Variants in ABR observed in about 807,000 individuals in gnomAD.
ABR encodes the protein ABR activator of RhoGEF and GTPase, also known as active breakpoint cluster region-related protein.
ABR carries 35 observed loss-of-function variants against 107.2 expected under a neutral mutation model. That is an observed-to-expected ratio of 0.33 (90% CI 0.25 to 0.43). ABR has a LOEUF of 0.43. Ranked by LOEUF, ABR falls within the 20% of genes least tolerant of loss-of-function variation. The pLI, the probability that ABR is intolerant of heterozygous loss-of-function variation, is 1.00. For synonymous variants in ABR, 498 were observed against 462.0 expected (o/e 1.08, Z -1.00); for missense variants, 815 against 1,115.2 (o/e 0.73, Z 3.83).
At chr17:1,009,858 G>C (rs1329607180) in intron 20 of ABR, 74 bp from the exon 21 acceptor site, 3 of 1,345,008 alleles carry the variant, frequency 2.2e-6, no homozygotes, top group African/African-American at 2.9e-5. Context: ...TCGTGAGGCT[G>C]TGGGCCCCTG....
chr17:1,075,298 A>G lies in ABR; in HGVS notation c.701-1621T>C, dbSNP rs2035609316. On this transcript the variant is annotated intron_variant, in intron 6 of 22. Coordinates refer to ENST00000302538, the MANE Select transcript of ABR (RefSeq NM_021962.5). Reference sequence around the variant, plus strand: ...ACCTTGGGCCTCCTGCCGCAGGGGCAGTGACAGAGGCAGGTTGGTCATCTG... The same window carrying G: ...ACCTTGGGCCTCCTGCCGCAGGGGCGGTGACAGAGGCAGGTTGGTCATCTG... Among the ~76,000 whole-genome samples the G allele has an allele frequency of 1.3e-5, 2 of 152,260 alleles. 1 individual carries two copies. The highest frequency in any genetic ancestry group is 1.3e-4 in the Admixed American group (2 of 15,290).
rs1434777202 is a variant in ABR at position 1,005,439 on chromosome 17, G to A, written c.*641C>T. On this transcript the variant is annotated 3_prime_UTR_variant, in exon 23 of 23. Coordinates refer to ENST00000302538, the MANE Select transcript of ABR (RefSeq NM_021962.5). ...ACAGGCAGCAAGGCAAAGCAGGTGTGCTCCCAAAGGCGGAGTCTGAGGAGG... is the reference window on the plus strand; with the variant it reads ...ACAGGCAGCAAGGCAAAGCAGGTGTACTCCCAAAGGCGGAGTCTGAGGAGG... 6 of 320,688 alleles carry A rather than the reference G, an allele frequency of 1.9e-5. No homozygotes were observed. The highest frequency in any genetic ancestry group is 3.4e-5 in the Non-Finnish European group (6 of 177,046). 19.9% of individuals were successfully genotyped at this position (320,688 alleles called of 1,614,324 possible).
At chr17:1,199,507 G>A (rs1448294673) in intron 1 of ABR, among the ~76,000 whole-genome samples, 1 of 151,406 alleles carries the variant, frequency 6.6e-6, no homozygotes, top group African/African-American at 2.5e-5. Context: ...GGGGTGGAAG[G>A]GAGAGACGGA....
At chr17:1,030,032 G>A (rs943782341) in intron 16 of ABR, among the ~76,000 whole-genome samples, 5 of 152,238 alleles carry the variant, frequency 3.3e-5, no homozygotes, top group Non-Finnish European at 7.3e-5. Flanking sequence ...GCCACCCTGA[G>A]CTGCACTGAC....
At chr17:1,218,918 G>A (rs1225349537) in intron 1 of ABR, among the ~76,000 whole-genome samples, 1 of 152,162 alleles carries the variant, frequency 6.6e-6, no homozygotes, top group Non-Finnish European at 1.5e-5. Context: ...TCAGAGAGCT[G>A]AGCAATCAGA....
Position 1,199,837 on chromosome 17 carries a change from T to C in ABR, c.838+28956A>G, listed in dbSNP as rs551691231. On this transcript the variant is annotated intron_variant, in intron 1 of 22. Coordinates refer to the ABR transcript ENST00000574139. ...CAGAATTTTAAAAACTTTTAGACAA[T>C]AAAAGAGTAAAATGTGACCCATAAA... Among the ~76,000 whole-genome samples the C allele has an allele frequency of 3.3e-5, 5 of 152,110 alleles. No homozygotes were observed. The East Asian group carries it at 9.7e-4, about 29-fold the overall frequency.
intron 1 of ABR, among the ~76,000 whole-genome samples, chr17:1,185,580 G>A (rs979645348): frequency 2.0e-5 from 3 of 150,096 alleles, no homozygotes; most frequent in African/African-American, 7.4e-5. Flanking sequence ...GGGAGGTGGA[G>A]GTTGCAGTGA....
intron 2 of ABR, among the ~76,000 whole-genome samples, chr17:1,115,695 C>A (rs555589115): frequency 6.6e-6 from 1 of 152,174 alleles, no homozygotes; most frequent in Non-Finnish European, 1.5e-5. Context: ...GAGGCCGAGG[C>A]GGGCAGATCA....
Position 1,070,639 on chromosome 17 carries a change from G to T in ABR, c.895-549C>A, listed in dbSNP as rs1038397364. Among the ~76,000 whole-genome samples, 1 of 152,002 alleles carries T rather than the reference G, an allele frequency of 6.6e-6. No homozygotes were observed. Among genetic ancestry groups the T allele is most frequent in the African/African-American group, 2.4e-5 (1 of 41,380 alleles). ...TCCCTGGCTTCTCCAGCCCCCTGGG[G>T]ATGAGACCTGGGCCCTCCAGCCTGG... On this transcript the variant is annotated intron_variant, in intron 8 of 22. Transcript: ENST00000302538. This position sits in a 1 kb window ranked among gnomAD's most constrained non-coding sequence, Gnocchi z 4.2.
chr17:1,161,480 G>A (rs145456516), intron 1 of ABR, among the ~76,000 whole-genome samples: 9 of 151,508 alleles, frequency 5.9e-5, no homozygotes, highest in Non-Finnish European at 1.2e-4. Flanking sequence ...TCTTAGTCTC[G>A]AGCAATCCTC....
chr17:1,134,985 A>G (rs1236766889), intron 1 of ABR, among the ~76,000 whole-genome samples: 2 of 152,256 alleles, frequency 1.3e-5, no homozygotes, highest in Non-Finnish European at 1.5e-5. Flanking sequence ...CACTTAGCAC[A>G]TAGGAAGCAC....
At chr17:1,105,699 C>A (rs768069420) in intron 2 of ABR, among the ~76,000 whole-genome samples, 2 of 152,212 alleles carry the variant, frequency 1.3e-5, no homozygotes, top group Non-Finnish European at 2.9e-5. Context: ...CATGGTGAAA[C>A]CCTGTCTCTA....
At chr17:1,079,046 AG>A in intron 6 of ABR, 1 of 608,572 alleles carries the variant, frequency 1.6e-6, no homozygotes, top group Non-Finnish European at 2.3e-6. Flanking sequence ...AGAGGAGGGA[AG>A]GGGAAGGGGA....
chr17:1,057,744 G>T, intron 12 of ABR: 1 of 513,180 alleles, frequency 1.9e-6, no homozygotes, highest in Non-Finnish European at 3.5e-6. Flanking sequence ...AGCCCAGGCT[G>T]GGCTCTGGGT....
At chr17:1,058,957 A>G in intron 10 of ABR, 90 bp from the exon 11 acceptor site, 3 of 1,529,214 alleles carry the variant, frequency 2.0e-6, no homozygotes, top group Non-Finnish European at 2.7e-6. Context: ...GTGTGTTAAC[A>G]TGCTCTTTAC....
At chr17:1,152,239 C>T (rs145141912) in intron 1 of ABR, among the ~76,000 whole-genome samples, 1,653 of 149,816 alleles carry the variant, frequency 0.011, 14 homozygotes, top group Admixed American at 0.021. Context: ...GCCGAGATCG[C>T]GCCACTGCGC....
intron 4 of ABR, among the ~76,000 whole-genome samples, chr17:1,087,403 C>G (rs1424391822): frequency 1.3e-5 from 2 of 152,002 alleles, no homozygotes; most frequent in Non-Finnish European, 2.9e-5. Flanking sequence ...GCTGGTGGGG[C>G]AGGGGAGCGG....
chr17:1,130,785 CAGA>C (rs1325045772), intron 1 of ABR, among the ~76,000 whole-genome samples: 1 of 152,164 alleles, frequency 6.6e-6, no homozygotes, highest in East Asian at 1.9e-4. Context: ...AAAACACAGA[CAGA>C]AGAGAAGACA....
intron 10 of ABR, among the ~76,000 whole-genome samples, chr17:1,065,752 T>G (rs1195706454): frequency 2.0e-5 from 3 of 149,720 alleles, no homozygotes; most frequent in African/African-American, 4.9e-5. Flanking sequence ...CTTTTTTTTT[T>G]TTTTTTTTTT....
Sources: gnomAD v4.1 joint callset for allele counts (sites outside exome capture counted in the v4.1 genomes callset) on GRCh38, gnomAD v4.1.1 for gene constraint, Gnocchi (gnomAD v3.1) non-coding constraint, MANE v1.5 for transcripts, NCBI Gene and HGNC (gene_info 2026-07-23, HGNC 2026-07-21) for gene names.